Variants in ACVR1 observed in about 807,000 individuals in gnomAD.
ACVR1 encodes the protein activin receptor type-1.
ACVR1 carries 38 observed loss-of-function variants against 57.1 expected under a neutral mutation model. That is an observed-to-expected ratio of 0.67 (90% CI 0.51 to 0.87). The LOEUF (loss-of-function observed/expected upper bound fraction) is 0.87. ACVR1 is among the 40% of genes least tolerant of loss of function. The probability of loss-of-function intolerance (pLI) is 0.00; values close to 1 mark genes in which losing one functional copy is unlikely to be tolerated. For synonymous variants in ACVR1, 212 were observed against 228.1 expected (o/e 0.93, Z 0.63); for missense variants, 463 against 638.2 (o/e 0.73, Z 2.96).
At chr2:157,792,821 G>T (rs1686969924) in intron 3 of ACVR1, among the ~76,000 whole-genome samples, 1 of 152,108 alleles carries the variant, frequency 6.6e-6, no homozygotes, top group South Asian at 2.1e-4. Flanking sequence ...CTATGCAGTG[G>T]GTCTTACTCC....
At chr2:157,829,439 G>A (rs1688506155) in intron 1 of ACVR1, among the ~76,000 whole-genome samples, 1 of 152,178 alleles carries the variant, frequency 6.6e-6, no homozygotes, top group South Asian at 2.1e-4. Flanking sequence ...TCCCTGCCAT[G>A]AGTGTAGTAA....
rs565830767 is a variant in ACVR1, at chr2:157,818,437, C to G, written c.-60G>C. Reference sequence around the variant, plus strand: ...CCCACAGTCCTTCAAGCCGCGTGCCCTCGTTCAGAGCTTCTCTCACTCTGG... The same window carrying G: ...CCCACAGTCCTTCAAGCCGCGTGCCGTCGTTCAGAGCTTCTCTCACTCTGG... On this transcript the variant is annotated 5_prime_UTR_variant, in exon 2 of 11. Transcript: ENST00000434821. 1 of 152,170 alleles carries G rather than the reference C, an allele frequency of 6.6e-6. No individual in the cohort carries two copies. Among genetic ancestry groups the G allele is most frequent in the Admixed American group, 6.5e-5 (1 of 15,270 alleles). The allele number at this position is 152,170 out of a possible 1,614,324, so 9.4% of individuals were successfully genotyped here.
intron 6 of ACVR1, among the ~76,000 whole-genome samples, chr2:157,772,399 T>A (rs1686103536): frequency 6.6e-6 from 1 of 152,216 alleles, no homozygotes; most frequent in Admixed American, 6.5e-5. Context: ...ATATTTTTAC[T>A]AAAAGCTGTA....
chr2:157,814,731 C>T (rs1432034851), intron 2 of ACVR1, among the ~76,000 whole-genome samples: 4 of 152,078 alleles, frequency 2.6e-5, no homozygotes, highest in African/African-American at 9.7e-5. Context: ...ATCTATATAC[C>T]CATCAATATT....
chr2:157,805,378 G>C (rs1029123092), intron 2 of ACVR1, among the ~76,000 whole-genome samples: 2 of 152,114 alleles, frequency 1.3e-5, no homozygotes, highest in Non-Finnish European at 2.9e-5. Flanking sequence ...TTGGAAGACA[G>C]GTCATACAAT....
At chr2:157,817,295 G>A (rs1687973731) in intron 2 of ACVR1, among the ~76,000 whole-genome samples, 1 of 152,012 alleles carries the variant, frequency 6.6e-6, no homozygotes, top group Non-Finnish European at 1.5e-5. Context: ...AGCACTCCAC[G>A]GGAAATGTAT....
intron 4 of ACVR1, 89 bp downstream of exon 4, chr2:157,780,248 C>T (rs1362988534): frequency 1.3e-6 from 2 of 1,578,662 alleles, no homozygotes; most frequent in East Asian, 4.5e-5. Flanking sequence ...GGTGGAATGC[C>T]TCATAGCTAC....
At chr2:157,784,193 G>C (rs1686628244) in intron 3 of ACVR1, among the ~76,000 whole-genome samples, 1 of 152,158 alleles carries the variant, frequency 6.6e-6, no homozygotes, top group African/African-American at 2.4e-5. Flanking sequence ...TTTGGTGTGG[G>C]AGTGGGGGTG....
intron 3 of ACVR1, among the ~76,000 whole-genome samples, chr2:157,782,711 A>AG (rs1350708267): frequency 1.3e-5 from 2 of 152,154 alleles, no homozygotes; most frequent in African/African-American, 4.8e-5. Flanking sequence ...GGGTGGAGTG[A>AG]GGGGGAGAGT....
In ACVR1 at chr2:157,875,947, G is replaced by GGGGCCGA. The variant is rs1690277984; in HGVS notation, c.-341_-335dup. 1 of 149,096 alleles carries GGGGCCGA rather than the reference G, an allele frequency of 6.7e-6. No homozygotes were observed. Among genetic ancestry groups the GGGGCCGA allele is most frequent in the Non-Finnish European group, 1.5e-5 (1 of 66,826 alleles). The allele number at this position is 149,096 out of a possible 1,614,324, so 9.2% of individuals were successfully genotyped here. A position where few individuals can be genotyped will look rare whatever the true frequency, so the allele number is the denominator to read the frequency against. On this transcript the variant is annotated 5_prime_UTR_variant, in exon 1 of 11. Transcript: ENST00000434821. ...CGGAACTCTGCGGGGCCGGGAGCCG[G>GGGGCCGA]GGGCCGAGGGCCGGCCCAGAGCGGC...
chr2:157,738,359 G>A (rs1199394190), intron 10 of ACVR1, 81 bp downstream of exon 10: 1 of 1,587,272 alleles, frequency 6.3e-7, no homozygotes, highest in African/African-American at 1.3e-5. Flanking sequence ...TCACTCAGAT[G>A]CAATACCAGT....
intron 1 of ACVR1, among the ~76,000 whole-genome samples, chr2:157,826,903 AAAAG>A (rs1354471751): frequency 6.8e-6 from 1 of 147,166 alleles, no homozygotes; most frequent in Non-Finnish European, 1.5e-5. Context: ...GGAAGGTAGG[AAAAG>A]AAAGGAAGGA....
At chr2:157,854,252 T>C (rs1298460209) in intron 1 of ACVR1, among the ~76,000 whole-genome samples, 1 of 151,238 alleles carries the variant, frequency 6.6e-6, no homozygotes, top group Non-Finnish European at 1.5e-5. Context: ...TTCATACCTA[T>C]CTTCCACACA....
At chr2:157,780,628 A>C in intron 3 of ACVR1, 28 bp from the exon 4 acceptor site, 1 of 1,595,628 alleles carries the variant, frequency 6.3e-7, no homozygotes, top group Admixed American at 1.7e-5. Flanking sequence ...GAAGGGGAAA[A>C]AAAAAAAAAA....
intron 7 of ACVR1, among the ~76,000 whole-genome samples, chr2:157,767,368 T>C (rs1336678824): frequency 1.3e-5 from 2 of 152,010 alleles, no homozygotes; most frequent in African/African-American, 4.8e-5. Flanking sequence ...GGAGGGAACT[T>C]TTGAGCATGC....
intron 1 of ACVR1, among the ~76,000 whole-genome samples, chr2:157,831,270 G>A (rs1038546063): frequency 3.9e-5 from 6 of 152,224 alleles, no homozygotes; most frequent in African/African-American, 1.2e-4. Context: ...AAAGACAAAT[G>A]TTAAAGAAAA....
rs988177743 is a variant in ACVR1, at chr2:157,737,360, G to A, written c.*171C>T. ...CACAGTCATCGAGCGAGGTTAGGGT[G>A]GTTTTGATGTCTCCCCAACACATGG... is the stretch of plus-strand genomic sequence containing the variant. On this transcript the variant is annotated 3_prime_UTR_variant, in exon 11 of 11. Coordinates refer to ENST00000434821, the MANE Select transcript of ACVR1 (RefSeq NM_001111067.4). 2 of 790,144 alleles carry A rather than the reference G, an allele frequency of 2.5e-6. No individual in the cohort carries two copies. The highest frequency in any genetic ancestry group is 2.0e-5 in the Admixed American group (1 of 48,886). The allele number at this position is 790,144 out of a possible 1,614,324, so 48.9% of individuals were successfully genotyped here. A position where few individuals can be genotyped will look rare whatever the true frequency, so the allele number is the denominator to read the frequency against.
At chr2:157,746,731 T>C (rs1303394838) in intron 9 of ACVR1, among the ~76,000 whole-genome samples, 2 of 152,368 alleles carry the variant, frequency 1.3e-5, no homozygotes, top group South Asian at 2.1e-4. Flanking sequence ...CACATTCCAG[T>C]TTAAAAACTA....
chr2:157,756,329 G>A (rs1428271846), intron 9 of ACVR1, among the ~76,000 whole-genome samples: 1 of 151,942 alleles, frequency 6.6e-6, no homozygotes, highest in African/African-American at 2.4e-5. Context: ...TAATTAAAGA[G>A]CTTCTGCACA....
Sources: allele counts gnomAD v4.1 joint callset (sites outside exome capture counted in the v4.1 genomes callset), GRCh38; gene constraint gnomAD v4.1.1; transcripts MANE v1.5; gene names NCBI Gene and HGNC (gene_info 2026-07-23, HGNC 2026-07-21).